CNOT10: variants seen among roughly 807,000 people sequenced by gnomAD.
CNOT10 encodes CCR4-NOT transcription complex, subunit 10.
A neutral mutation model predicts 94.6 loss-of-function variants in CNOT10; 30 were observed. The observed-to-expected ratio is 0.32, with a 90% CI of 0.24 to 0.43. The LOEUF (loss-of-function observed/expected upper bound fraction) is 0.43, where lower values mean the gene tolerates loss of function less well. Ranked by LOEUF, CNOT10 falls within the 20% of genes least tolerant of loss-of-function variation. CNOT10 has a pLI of 1.00. For missense variants in CNOT10, 759 were observed against 877.2 expected (o/e 0.87, Z 1.70); for synonymous variants, 289 against 301.6 (o/e 0.96, Z 0.43).
intron 12 of CNOT10, among the ~76,000 whole-genome samples, chr3:32,736,039 T>C (rs960984419): frequency 3.9e-5 from 6 of 152,046 alleles, no homozygotes; most frequent in Non-Finnish European, 7.4e-5. Context: ...GGAATTCAGC[T>C]TTTTTCTTTC....
At chr3:32,762,234 C>T (rs916545422) in intron 14 of CNOT10, among the ~76,000 whole-genome samples, 4 of 148,582 alleles carry the variant, frequency 2.7e-5, no homozygotes, top group South Asian at 2.1e-4. Flanking sequence ...GAGGCCAAGA[C>T]GGGCGGATCA....
intron 13 of CNOT10, among the ~76,000 whole-genome samples, chr3:32,749,325 TC>T (rs1699853955): frequency 6.6e-6 from 1 of 152,110 alleles, no homozygotes; most frequent in South Asian, 2.1e-4. Flanking sequence ...AAATCCAAGA[TC>T]ATGAGGATTT....
At chr3:32,760,195 A>T (rs1210580616) in intron 14 of CNOT10, among the ~76,000 whole-genome samples, 1 of 151,892 alleles carries the variant, frequency 6.6e-6, no homozygotes, top group Non-Finnish European at 1.5e-5. Context: ...AAAAAAAAAT[A>T]GACAAGAATT....
intron 13 of CNOT10, among the ~76,000 whole-genome samples, chr3:32,751,353 A>G (rs1459076561): frequency 1.3e-5 from 2 of 151,964 alleles, no homozygotes; most frequent in African/African-American, 4.8e-5. Flanking sequence ...CAATTCTCCC[A>G]CATCAGCCTC....
At chr3:32,764,836 C>T (rs1700597610) in intron 17 of CNOT10, 27 bp downstream of exon 17, 6 of 1,606,914 alleles carry the variant, frequency 3.7e-6, no homozygotes, top group Admixed American at 1.7e-5. Flanking sequence ...AGGAACTGAA[C>T]CTTGTAAAGC....
chr3:32,725,839 T>C (rs988585420), intron 9 of CNOT10, among the ~76,000 whole-genome samples: 1 of 152,216 alleles, frequency 6.6e-6, no homozygotes, highest in Non-Finnish European at 1.5e-5. Flanking sequence ...TTTTCATTGA[T>C]TTGAAAATGA....
chr3:32,698,634 G>A (rs915366319), intron 1 of CNOT10, among the ~76,000 whole-genome samples: 21 of 152,264 alleles, frequency 1.4e-4, no homozygotes, highest in Non-Finnish European at 2.1e-4. Context: ...GCCAAAGGAC[G>A]ACTGGACTGA....
Position 32,700,200 on chromosome 3 carries a change from T to G in CNOT10, c.23-3668T>G, listed in dbSNP as rs184269101. 4.1e-3 allele frequency among the ~76,000 whole-genome samples: 626 copies of G among 152,256 alleles called. 4 individuals carry two copies. Among genetic ancestry groups the G allele is most frequent in the African/African-American group, 0.014 (581 of 41,564 alleles). On this transcript the variant is annotated intron_variant, in intron 1 of 18. Coordinates refer to ENST00000328834, the MANE Select transcript of CNOT10 (RefSeq NM_015442.3). Reference sequence around the variant, plus strand: ...CATGTTGTCCAGGCTGGTCTTGAACTCCTGACCTCAGGTGATCCGCCTGCC... The same window carrying G: ...CATGTTGTCCAGGCTGGTCTTGAACGCCTGACCTCAGGTGATCCGCCTGCC...
intron 13 of CNOT10, chr3:32,753,641 C>T (rs1469447438): frequency 5.1e-6 from 8 of 1,569,816 alleles, no homozygotes; most frequent in Non-Finnish European, 6.1e-6. Flanking sequence ...CTACATCCAT[C>T]ATCATCTCCT....
intron 13 of CNOT10, among the ~76,000 whole-genome samples, chr3:32,740,417 C>T (rs1334495823): frequency 6.6e-6 from 1 of 152,012 alleles, no homozygotes; most frequent in Non-Finnish European, 1.5e-5. Context: ...GAGCCAAGAT[C>T]GTGCTATTGC....
chr3:32,718,653 T>C (rs917220368), intron 7 of CNOT10, among the ~76,000 whole-genome samples: 2 of 146,854 alleles, frequency 1.4e-5, no homozygotes, highest in African/African-American at 2.5e-5. Context: ...GGAAAGACAA[T>C]TGAAAATTAA....
chr3:32,764,608 C>T lies in CNOT10; in HGVS notation c.1877-74C>T, dbSNP rs1394773325. Reference sequence around the variant, plus strand: ...AATACTGCTGTGCCAAGTGGCTCCTCAAGGCGATAGATTGGGTTGCTTCCT... The same window carrying T: ...AATACTGCTGTGCCAAGTGGCTCCTTAAGGCGATAGATTGGGTTGCTTCCT... On this transcript the variant is annotated intron_variant, in intron 16 of 18. Transcript: ENST00000328834. The T allele has an allele frequency of 3.1e-6, 5 of 1,604,068 alleles. No individual in the cohort carries two copies. In the Admixed American group the frequency reaches 6.8e-5, roughly 22 times the overall value.
chr3:32,706,164 G>A (rs1470906572), intron 3 of CNOT10, among the ~76,000 whole-genome samples: 1 of 151,996 alleles, frequency 6.6e-6, no homozygotes, highest in South Asian at 2.1e-4. Flanking sequence ...ATGTCCTCAC[G>A]TTTCCTCATT....
At chr3:32,759,920 C>T (rs913763998) in intron 14 of CNOT10, among the ~76,000 whole-genome samples, 2 of 152,106 alleles carry the variant, frequency 1.3e-5, no homozygotes, top group Non-Finnish European at 2.9e-5. Flanking sequence ...CGGTGGCTCA[C>T]GCCTGTAATC....
intron 13 of CNOT10, among the ~76,000 whole-genome samples, chr3:32,741,253 T>C (rs1334563287): frequency 6.6e-6 from 1 of 152,234 alleles, no homozygotes; most frequent in African/African-American, 2.4e-5. Flanking sequence ...AATCAATTGT[T>C]GTTCCTTTTT....
At chr3:32,697,398 T>C (rs1697124963) in intron 1 of CNOT10, among the ~76,000 whole-genome samples, 1 of 152,204 alleles carries the variant, frequency 6.6e-6, no homozygotes, top group Non-Finnish European at 1.5e-5. Context: ...CTCTTACAGT[T>C]GGTCCCAAAA....
At chr3:32,734,748 C>G in intron 11 of CNOT10, 52 bp from the exon 12 acceptor site, 1 of 1,405,168 alleles carries the variant, frequency 7.1e-7, no homozygotes, top group Non-Finnish European at 9.7e-7. Context: ...ATAAAAGAGC[C>G]TTATTTTAAA....
At chr3:32,695,966 A>AGTGTGTGTGTGTGT (rs1374247638) in intron 1 of CNOT10, 12 of 616,758 alleles carry the variant, frequency 1.9e-5, no homozygotes, top group African/African-American at 9.1e-5. Flanking sequence ...CCTGTTGAAG[A>AGTGTGTGTGTGTGT]GAGTGTGTGT....
At chr3:32,752,526 G>A (rs1311355662) in intron 13 of CNOT10, among the ~76,000 whole-genome samples, 1 of 152,202 alleles carries the variant, frequency 6.6e-6, no homozygotes, top group East Asian at 1.9e-4. Flanking sequence ...ATTTGATAAA[G>A]ATAAAACTTC....
Sources: gnomAD v4.1 joint callset for allele counts (sites outside exome capture counted in the v4.1 genomes callset) on GRCh38, gnomAD v4.1.1 for gene constraint, MANE v1.5 for transcripts, NCBI Gene and HGNC (gene_info 2026-07-23, HGNC 2026-07-21) for gene names.